The following HSD17B2 variants were observed in gnomAD, a reference collection of about 807,000 sequenced individuals.
HSD17B2 encodes 17-beta-hydroxysteroid dehydrogenase type 2.
Under a neutral mutation model 26.9 loss-of-function variants are expected in HSD17B2, and 32 were observed. The observed-to-expected ratio is 1.19, with a 90% CI of 0.90 to 1.60. The LOEUF (loss-of-function observed/expected upper bound fraction) is 1.60. Among genes scored for constraint, HSD17B2 ranks in the 40% most tolerant of loss-of-function variants. The pLI is 0.00. For missense variants in HSD17B2, 613 were observed against 468.6 expected (o/e 1.31, Z -2.85); for synonymous variants, 246 against 186.7 (o/e 1.32, Z -2.59).
chr16:82,081,830 G>C (rs187323322), intron 3 of HSD17B2, among the ~76,000 whole-genome samples: 11 of 152,226 alleles, frequency 7.2e-5, no homozygotes, highest in Middle Eastern at 3.4e-3. Flanking sequence ...CAATAGCAAA[G>C]ACACAGAATC....
chr16:82,066,499 T>C (rs935434593), intron 1 of HSD17B2, among the ~76,000 whole-genome samples: 3 of 152,190 alleles, frequency 2.0e-5, no homozygotes, highest in African/African-American at 7.2e-5. Flanking sequence ...CCATTCTAAT[T>C]AGCATAGCCT....
intron 3 of HSD17B2, among the ~76,000 whole-genome samples, chr16:82,088,641 G>C (rs1196008983): frequency 6.6e-6 from 1 of 152,198 alleles, no homozygotes; most frequent in Non-Finnish European, 1.5e-5. Context: ...TTTTGAACAA[G>C]TTGCTGTAAC....
intron 1 of HSD17B2, among the ~76,000 whole-genome samples, chr16:82,067,512 A>G (rs571542617): frequency 1.2e-4 from 18 of 152,350 alleles, no homozygotes; most frequent in African/African-American, 4.1e-4. Flanking sequence ...TGTGTATTAC[A>G]TTAGTCTCTG....
At chr16:82,038,934 A>G (rs1361509945) in intron 1 of HSD17B2, among the ~76,000 whole-genome samples, 1 of 152,048 alleles carries the variant, frequency 6.6e-6, no homozygotes, top group Non-Finnish European at 1.5e-5. Flanking sequence ...CCAGTCAATC[A>G]TTAGTTAAGG....
At chr16:82,053,424 TTTTTA>T (rs1597124092) in intron 1 of HSD17B2, among the ~76,000 whole-genome samples, 1 of 151,956 alleles carries the variant, frequency 6.6e-6, no homozygotes, top group Non-Finnish European at 1.5e-5. Context: ...CGAGTTTTAA[TTTTTA>T]TTTATTTATT....
At chr16:82,074,678 A>G (rs1914771923) in intron 3 of HSD17B2, among the ~76,000 whole-genome samples, 1 of 152,182 alleles carries the variant, frequency 6.6e-6, no homozygotes, top group African/African-American at 2.4e-5. Flanking sequence ...TGCACCCAAC[A>G]CCAGAGCACC....
At chr16:82,068,527 G>C (rs1395399722) in intron 2 of HSD17B2, 145 bp downstream of exon 2, 3 of 660,178 alleles carry the variant, frequency 4.5e-6, no homozygotes, top group African/African-American at 1.8e-5. Context: ...ACCATGTGTG[G>C]GGGCCTCTAT....
chr16:82,063,939 G>A (rs1914511339), intron 1 of HSD17B2, among the ~76,000 whole-genome samples: 1 of 152,194 alleles, frequency 6.6e-6, no homozygotes, highest in East Asian at 1.9e-4. Context: ...GAGGCTCTGG[G>A]TCTGGCCTTG....
In HSD17B2 at chr16:82,054,228, A is replaced by G. The variant is rs565696274; in HGVS notation, c.266-13942A>G. Among the ~76,000 whole-genome samples, 4 of 152,226 alleles carry G rather than the reference A, an allele frequency of 2.6e-5. No individual in the cohort carries two copies. In the South Asian group the frequency reaches 8.3e-4, roughly 31 times the overall value. On this transcript the variant is annotated intron_variant, in intron 1 of 4. Transcript: ENST00000199936. ...ATATCGAAAAAAAAAAAAAAAGAAA[A>G]AAAAGAAAGAAAAGCCATGCACATA...
chr16:82,036,771 T>G (rs1007134689), intron 1 of HSD17B2, among the ~76,000 whole-genome samples: 5 of 152,208 alleles, frequency 3.3e-5, no homozygotes, highest in African/African-American at 1.2e-4. Context: ...ATTCAGTCAA[T>G]GGGATGTTTA....
At chr16:82,069,404 G>A (rs908828446) in intron 2 of HSD17B2, among the ~76,000 whole-genome samples, 1 of 152,148 alleles carries the variant, frequency 6.6e-6, no homozygotes, top group African/African-American at 2.4e-5. Flanking sequence ...TAATAGAATG[G>A]TTTATATTCC....
intron 1 of HSD17B2, 117 bp from the exon 2 acceptor site, chr16:82,068,053 A>C: frequency 1.1e-6 from 1 of 874,446 alleles, no homozygotes; most frequent in Non-Finnish European, 1.8e-6. Flanking sequence ...TTCCTCAGGA[A>C]CCCCTCTCTT....
At chr16:82,047,727 C>G (rs1461520830) in intron 1 of HSD17B2, among the ~76,000 whole-genome samples, 1 of 152,204 alleles carries the variant, frequency 6.6e-6, no homozygotes, top group Admixed American at 6.5e-5. Context: ...GAGAGACCCA[C>G]TGCACATTGG....
intron 3 of HSD17B2, among the ~76,000 whole-genome samples, chr16:82,077,930 C>T (rs1464364723): frequency 6.6e-6 from 1 of 152,152 alleles, no homozygotes. Context: ...AGACCTCAAA[C>T]TGTGAAACTA....
At chr16:82,070,614 A>G (rs943958562) in intron 2 of HSD17B2, among the ~76,000 whole-genome samples, 1 of 152,244 alleles carries the variant, frequency 6.6e-6, no homozygotes, top group South Asian at 2.1e-4. Context: ...TAAGCACCTT[A>G]ACAAGGACTA....
intron 1 of HSD17B2, among the ~76,000 whole-genome samples, chr16:82,064,142 C>G (rs1914516907): frequency 6.6e-6 from 1 of 152,136 alleles, no homozygotes; most frequent in Non-Finnish European, 1.5e-5. Flanking sequence ...AGGAACTTTC[C>G]TAAGAGAGTC....
At chr16:82,096,321 A>T (rs1368746325) in intron 4 of HSD17B2, 2 of 152,122 alleles carry the variant, frequency 1.3e-5, no homozygotes, top group Non-Finnish European at 2.9e-5. Flanking sequence ...TCCTGGGTTC[A>T]AGCAATTCTC....
At chr16:82,091,226 C>G in intron 4 of HSD17B2, 187 bp downstream of exon 4, 1 of 692,908 alleles carries the variant, frequency 1.4e-6, no homozygotes, top group Non-Finnish European at 2.6e-6. Flanking sequence ...GAGCTAAGCT[C>G]CATTCTGATT....
At chr16:82,064,722 C>T (rs1014269928) in intron 1 of HSD17B2, among the ~76,000 whole-genome samples, 1 of 152,222 alleles carries the variant, frequency 6.6e-6, no homozygotes, top group African/African-American at 2.4e-5. Flanking sequence ...GAAGAGAGCA[C>T]TTGAGGTTTA....
Sources: gnomAD v4.1 joint callset for allele counts (sites outside exome capture counted in the v4.1 genomes callset) on GRCh38, gnomAD v4.1.1 for gene constraint, MANE v1.5 for transcripts, NCBI Gene and HGNC (gene_info 2026-07-23, HGNC 2026-07-21) for gene names.